The following MIA2 variants were observed in gnomAD, a reference collection of about 807,000 sequenced individuals.
MIA2 encodes MIA SH3 domain ER export factor 2.
MIA2 carries 127 observed loss-of-function variants against 167.8 expected under a neutral mutation model. The observed-to-expected ratio is 0.76, with a 90% confidence interval of 0.66 to 0.88. The LOEUF (loss-of-function observed/expected upper bound fraction) is 0.88. Among genes scored for constraint, MIA2 ranks in the 40% least tolerant of loss-of-function variants. The probability of loss-of-function intolerance (pLI) is 0.00; values close to 1 mark genes in which losing one functional copy is unlikely to be tolerated. For synonymous variants in MIA2, 552 were observed against 541.9 expected (o/e 1.02, Z -0.26); for missense variants, 1,690 against 1,624.7 (o/e 1.04, Z -0.69).
chr14:39,262,527 A>G (rs970645312), intron 6 of MIA2, among the ~76,000 whole-genome samples: 2 of 152,192 alleles, frequency 1.3e-5, no homozygotes, highest in South Asian at 2.1e-4. Context: ...TGAACTTTAA[A>G]GTAGTTTTTT....
chr14:39,267,909 C>T (rs906381541), intron 6 of MIA2, among the ~76,000 whole-genome samples: 1 of 151,896 alleles, frequency 6.6e-6, no homozygotes, highest in Non-Finnish European at 1.5e-5. Context: ...GTTACATTTA[C>T]TGATGTAACT....
chr14:39,347,503 A>G, intron 26 of MIA2: 2 of 547,736 alleles, frequency 3.7e-6, no homozygotes, highest in Non-Finnish European at 6.5e-6. Context: ...AGCCAGAGAA[A>G]TAATTGCCAC....
At chr14:39,375,329 G>C (rs74557847) in intron 23 of MIA2, among the ~76,000 whole-genome samples, 2,612 of 152,226 alleles carry the variant, frequency 0.017, 30 homozygotes, top group Non-Finnish European at 0.028. Flanking sequence ...ACCTTGGATA[G>C]AGTTTTTGCC....
At chr14:39,265,909 T>A (rs2055554192) in intron 6 of MIA2, 1 of 892,702 alleles carries the variant, frequency 1.1e-6, no homozygotes, top group African/African-American at 1.8e-5. Context: ...GGAGAATTAC[T>A]AAGCAATTTT....
intron 14 of MIA2, 100 bp downstream of exon 14, chr14:39,300,086 T>C (rs1595300489): frequency 6.9e-7 from 1 of 1,447,978 alleles, no homozygotes; most frequent in East Asian, 2.4e-5. Flanking sequence ...TTTCACAACA[T>C]ATTTTCATAA....
chr14:39,257,984 T>C lies in MIA2; in HGVS notation c.1887+4813T>C, dbSNP rs560563548. Among the ~76,000 whole-genome samples the C allele has an allele frequency of 3.9e-5, 6 of 152,362 alleles. No individual in the cohort carries two copies. In the East Asian group the frequency reaches 1.2e-3, roughly 29 times the overall value. ...AGTCTGATGGGCTTCCCTTTGTAGG[T>C]AACCTGACCTTTCCCTCTGGCTGTC... On this transcript the variant is annotated intron_variant, in intron 6 of 28. Transcript: ENST00000640607.
chr14:39,372,008 C>CT (rs2074957444), intron 23 of MIA2, among the ~76,000 whole-genome samples: 1 of 151,724 alleles, frequency 6.6e-6, no homozygotes, highest in Admixed American at 6.6e-5. Flanking sequence ...AAGGATGGCT[C>CT]TAACTCTTCT....
chr14:39,270,493 C>T (rs2056956218), intron 6 of MIA2, among the ~76,000 whole-genome samples: 2 of 151,906 alleles, frequency 1.3e-5, no homozygotes, highest in African/African-American at 4.8e-5. Flanking sequence ...GTCCCCCCAC[C>T]CGGCTTTACT....
At chr14:39,240,458 T>C in intron 2 of MIA2, 103 bp from the exon 3 acceptor site, 1 of 711,174 alleles carries the variant, frequency 1.4e-6, no homozygotes, top group Non-Finnish European at 2.4e-6. Flanking sequence ...ATGTTTGCGA[T>C]TCAGAGTAGA....
At chr14:39,336,845 A>T (rs754354265) in intron 25 of MIA2, among the ~76,000 whole-genome samples, 3 of 152,188 alleles carry the variant, frequency 2.0e-5, no homozygotes, top group Non-Finnish European at 2.9e-5. Flanking sequence ...TCCTGATCTC[A>T]AGCAATCCTC....
At position 39,313,452 on chromosome 14, in the gene MIA2, C is replaced by T. The variant is rs757948691; in HGVS notation, c.3119+11C>T. On this transcript the variant is annotated intron_variant, in intron 19 of 28. Coordinates refer to ENST00000640607, the MANE Select transcript of MIA2 (RefSeq NM_001329214.4). The stretch of plus-strand genomic sequence containing the variant: ...GCTGGAGACCTATAGGTATTAAATA[C>T]ATTTTTCTGGTTTCTTTTTTGGAAT... The T allele has an allele frequency of 1.4e-6, 2 of 1,477,664 alleles. No homozygotes were observed. Among genetic ancestry groups the T allele is most frequent in the Non-Finnish European group, 1.8e-6 (2 of 1,094,492 alleles). 91.5% of individuals were successfully genotyped at this position (1,477,664 alleles called of 1,614,324 possible).
Position 39,304,315 on chromosome 14 carries a change from G to A in MIA2, c.2812G>A (p.Glu938Lys). The A allele has an allele frequency of 6.5e-7, 1 of 1,545,322 alleles. No homozygotes were observed. The highest frequency in any genetic ancestry group is 8.8e-7 in the Non-Finnish European group (1 of 1,134,442). ...GTTAAATGCTTCTTTAAAAACCTTAGAAGGAGAAAGAAACCAAATTTATAT... is the reference window on the plus strand; with the variant it reads ...GTTAAATGCTTCTTTAAAAACCTTAAAAGGAGAAAGAAACCAAATTTATAT... The part of the protein sequence containing the change: ...AKLNASLKTL[E>K]GERNQIYIQL... Residue 938 changes from glutamate to lysine, a missense_variant, in exon 17 of 29, where the codon GAA becomes AAA. By Grantham distance (56) the Glu-to-Lys change is moderately conservative (BLOSUM62 1). Coordinates refer to ENST00000640607, the MANE Select transcript of MIA2 (RefSeq NM_001329214.4).
chr14:39,280,131 G>A (rs1331124929), intron 9 of MIA2, among the ~76,000 whole-genome samples: 1 of 152,074 alleles, frequency 6.6e-6, no homozygotes, highest in East Asian at 1.9e-4. Context: ...TCTTTTCTCT[G>A]TTGTTCTGTA....
chr14:39,247,234 G>C lies in MIA2; in HGVS notation c.660G>C (p.Val220=). The change falls in exon 4 of 29, where the codon GTG becomes GTC. Residue 220 remains valine, a synonymous_variant. Coordinates refer to ENST00000640607, the MANE Select transcript of MIA2 (RefSeq NM_001329214.4). ...PEVHVPPSSA[V]SGVKEWFGLG... is the part of the protein sequence containing the mutation. ...TGCATGTCCCACCATCTTCAGCTGTGTCTGGAGTCAAAGAATGGTTTGGAT... is the reference window on the plus strand; with the variant it reads ...TGCATGTCCCACCATCTTCAGCTGTCTCTGGAGTCAAAGAATGGTTTGGAT... 6.2e-7 allele frequency: 1 copy of C among 1,614,128 alleles called. No individual in the cohort carries two copies. The highest frequency in any genetic ancestry group is 8.5e-7 in the Non-Finnish European group (1 of 1,180,026).
At chr14:39,332,745 T>C (rs904824009) in intron 25 of MIA2, among the ~76,000 whole-genome samples, 3 of 152,092 alleles carry the variant, frequency 2.0e-5, no homozygotes, top group African/African-American at 4.8e-5. Flanking sequence ...GTCCGTGGAC[T>C]GCACCCGCTC....
chr14:39,311,626 C>T (rs767843546), intron 18 of MIA2, among the ~76,000 whole-genome samples: 18 of 151,012 alleles, frequency 1.2e-4, no homozygotes, highest in African/African-American at 3.7e-4. Context: ...TACAGGCGTG[C>T]GCCACCACTC....
intron 9 of MIA2, 93 bp downstream of exon 9, chr14:39,279,630 T>C: frequency 2.5e-6 from 2 of 786,082 alleles, no homozygotes; most frequent in East Asian, 2.6e-5. Context: ...AGATTATGAA[T>C]GCTTTGTTTG....
At position 39,369,477 on chromosome 14, in the gene MIA2, G is replaced by A. The variant is rs576020346; in HGVS notation, c.2249-17408G>A. ...TCCTTAATTCTGTGTATAGTATAGG[G>A]TACACATCTTCAGGTTCCATCAGGT... is the stretch of plus-strand genomic sequence containing the variant. On this transcript the variant is annotated intron_variant, in intron 23 of 23. Transcript: ENST00000341502. 7.2e-5 allele frequency among the ~76,000 whole-genome samples: 11 copies of A among 152,292 alleles called. No individual in the cohort carries two copies. In the East Asian group the frequency reaches 2.1e-3, roughly 29 times the overall value.
chr14:39,331,773 A>G (rs1209366532), intron 25 of MIA2, among the ~76,000 whole-genome samples: 1 of 152,160 alleles, frequency 6.6e-6, no homozygotes, highest in African/African-American at 2.4e-5. Context: ...AATATTGCAT[A>G]TTGGCCCCCA....
Sources: gnomAD v4.1 joint callset for allele counts (sites outside exome capture counted in the v4.1 genomes callset) on GRCh38, gnomAD v4.1.1 for gene constraint, MANE v1.5 for transcripts, NCBI Gene and HGNC (gene_info 2026-07-23, HGNC 2026-07-21) for gene names.